GMCL1: variants seen among roughly 807,000 people sequenced by gnomAD.
GMCL1 encodes germ cell-less 1, spermatogenesis associated.
Under a neutral mutation model 75.5 loss-of-function variants are expected in GMCL1, and 54 were observed. The ratio of observed to expected loss-of-function variants is 0.71; its 90% CI spans 0.57 to 0.90. GMCL1 has a LOEUF of 0.90. Among genes scored for constraint, GMCL1 ranks in the 40% least tolerant of loss-of-function variants. The pLI is 0.00. For missense variants in GMCL1, 537 were observed against 622.7 expected (o/e 0.86, Z 1.47); for synonymous variants, 210 against 209.6 (o/e 1.00, Z -0.02).
intron 9 of GMCL1, among the ~76,000 whole-genome samples, chr2:69,859,655 G>A (rs1354090298): frequency 6.7e-6 from 1 of 149,062 alleles, no homozygotes; most frequent in African/African-American, 2.5e-5. Flanking sequence ...AACTGCTTGA[G>A]CCCAGGAGTT....
At chr2:69,845,230 G>A (rs2103970800) in intron 6 of GMCL1, among the ~76,000 whole-genome samples, 1 of 152,342 alleles carries the variant, frequency 6.6e-6, no homozygotes, top group South Asian at 2.1e-4. Flanking sequence ...AGCGGGACCT[G>A]GTCAGACGCA....
Position 69,859,742 on chromosome 2 carries a change from TA to T in GMCL1, c.1073-1520del, listed in dbSNP as rs1207817401. 2.1e-3 allele frequency among the ~76,000 whole-genome samples: 169 copies of T among 79,078 alleles called. 2 individuals carry two copies. The highest frequency in any genetic ancestry group is 7.8e-3 in the South Asian group (17 of 2,188). 51.9% of individuals were successfully genotyped at this position (79,078 alleles called of 152,430 possible). On this transcript the variant is annotated intron_variant, in intron 9 of 13. Transcript: ENST00000282570. ...GAGTGAGACCGTGTCTCTCTCTCTC[TA>T]AAAAAAAAAAAAAAAGTATATATGG...
chr2:69,875,475 T>C (rs1676104980), intron 13 of GMCL1, among the ~76,000 whole-genome samples: 1 of 152,190 alleles, frequency 6.6e-6, no homozygotes, highest in Non-Finnish European at 1.5e-5. Flanking sequence ...GTATGGGATG[T>C]AGGATCATTT....
chr2:69,837,212 A>G (rs887494439), intron 1 of GMCL1, among the ~76,000 whole-genome samples: 1 of 152,368 alleles, frequency 6.6e-6, no homozygotes, highest in South Asian at 2.1e-4. Context: ...AAAAATCAAC[A>G]TGCTAACTTC....
intron 7 of GMCL1, among the ~76,000 whole-genome samples, chr2:69,848,189 G>A (rs1052981622): frequency 1.1e-4 from 16 of 152,218 alleles, no homozygotes; most frequent in African/African-American, 3.6e-4. Flanking sequence ...GGTCTTGGGA[G>A]TCCTAGTCCA....
rs183308985 is a variant in GMCL1, at chr2:69,865,084, T to C, written c.1218+109T>C. On this transcript the variant is annotated intron_variant, in intron 11 of 13. Transcript: ENST00000282570. ...CCTGTCATACCTCAGAAGAGCTTGT[T>C]TGATACACTTTCTGTAGCATGATCT... 9.0e-5 allele frequency: 66 copies of C among 736,932 alleles called. No individual in the cohort carries two copies. In the African/African-American group the frequency reaches 1.1e-3, roughly 12 times the overall value. The allele number at this position is 736,932 out of a possible 1,614,324, so 45.6% of individuals were successfully genotyped here. A position where few individuals can be genotyped will look rare whatever the true frequency, so the allele number is the denominator to read the frequency against.
Position 69,845,237 on chromosome 2 carries a change from C to T in GMCL1, c.758+1041C>T, listed in dbSNP as rs926557409. ...CGTCCTCAAGCGGGACCTGGTCAGACGCAGCACAGCGCAGAGCCAGAGGTC... is the reference window on the plus strand; with the variant it reads ...CGTCCTCAAGCGGGACCTGGTCAGATGCAGCACAGCGCAGAGCCAGAGGTC... On this transcript the variant is annotated intron_variant, in intron 6 of 13. Coordinates refer to ENST00000282570, the MANE Select transcript of GMCL1 (RefSeq NM_178439.5). Among the ~76,000 whole-genome samples the T allele has an allele frequency of 5.3e-5, 8 of 152,366 alleles. No homozygotes were observed. In the South Asian group the frequency reaches 8.3e-4, roughly 16 times the overall value.
At chr2:69,857,999 C>A (rs1675527945) in intron 9 of GMCL1, among the ~76,000 whole-genome samples, 1 of 152,086 alleles carries the variant, frequency 6.6e-6, no homozygotes, top group Admixed American at 6.5e-5. Context: ...TTCCCATATT[C>A]TTTGTGTAAA....
chr2:69,837,907 C>T (rs2103950716), intron 2 of GMCL1, among the ~76,000 whole-genome samples: 1 of 152,254 alleles, frequency 6.6e-6, no homozygotes, highest in South Asian at 2.1e-4. Flanking sequence ...GTCATTACTT[C>T]ATAAAATGCT....
chr2:69,844,836 T>C, intron 6 of GMCL1: 1 of 379,424 alleles, frequency 2.6e-6, no homozygotes, highest in Non-Finnish European at 5.6e-6. Context: ...CACCGTCACC[T>C]CCTGGTACAA....
intron 10 of GMCL1, 127 bp from the exon 11 acceptor site, chr2:69,864,767 CTTATTT>C: frequency 1.7e-6 from 1 of 603,286 alleles, no homozygotes; most frequent in Non-Finnish European, 2.9e-6. Context: ...TCAACACTTT[CTTATTT>C]TTATCTGTAC....
chr2:69,857,088 T>C (rs1032796153), intron 9 of GMCL1, among the ~76,000 whole-genome samples: 1 of 152,206 alleles, frequency 6.6e-6, no homozygotes, highest in Admixed American at 6.5e-5. Context: ...TTTCAGGCTA[T>C]TATATAGCCT....
chr2:69,866,715 T>A (rs1675828205), intron 11 of GMCL1, among the ~76,000 whole-genome samples: 1 of 152,168 alleles, frequency 6.6e-6, no homozygotes, highest in Non-Finnish European at 1.5e-5. Context: ...TCTTCCTGCC[T>A]TAGCCTCCCA....
At chr2:69,871,920 G>A (rs1675993844) in intron 13 of GMCL1, 88 bp downstream of exon 13, 5 of 847,060 alleles carry the variant, frequency 5.9e-6, no homozygotes, top group African/African-American at 1.8e-5. Context: ...TAACATTAAA[G>A]TGATGGCATT....
In GMCL1 at chr2:69,833,087, C is replaced by G. The variant is rs145883577; in HGVS notation, c.260+2935C>G. 5.4e-4 allele frequency among the ~76,000 whole-genome samples: 82 copies of G among 152,274 alleles called. No individual in the cohort carries two copies. In the East Asian group the frequency reaches 0.015, roughly 28 times the overall value. Reference sequence around the variant, plus strand: ...CTGAGGCTGGCAAGTAGGACACTGCCTACTAGGATGCCAACAAAATTATTT... The same window carrying G: ...CTGAGGCTGGCAAGTAGGACACTGCGTACTAGGATGCCAACAAAATTATTT... On this transcript the variant is annotated intron_variant, in intron 1 of 13. Coordinates refer to ENST00000282570, the MANE Select transcript of GMCL1 (RefSeq NM_178439.5).
chr2:69,868,674 A>G (rs2104040237), intron 11 of GMCL1, among the ~76,000 whole-genome samples: 1 of 149,256 alleles, frequency 6.7e-6, no homozygotes, highest in East Asian at 2.1e-4. Flanking sequence ...CGGCCTCCCA[A>G]AGTGCTGGGA....
chr2:69,847,387 A>G lies in GMCL1; in HGVS notation c.759-156A>G, dbSNP rs528291497. Among the ~76,000 whole-genome samples the G allele has an allele frequency of 4.6e-5, 7 of 152,250 alleles. No homozygotes were observed. The East Asian group carries it at 9.6e-4, about 21-fold the overall frequency. On this transcript the variant is annotated intron_variant, in intron 6 of 13. Coordinates refer to ENST00000282570, the MANE Select transcript of GMCL1 (RefSeq NM_178439.5). ...TAAAAGTATCCTTGTATCCAGATAG[A>G]TTGTTTTCTAAGATTCTTTGTCTTG...
chr2:69,859,144 C>CA (rs571712437), intron 9 of GMCL1, among the ~76,000 whole-genome samples: 6,221 of 60,454 alleles, frequency 0.1, 530 homozygotes, highest in Admixed American at 0.24. Flanking sequence ...GACTCTGTCT[C>CA]AAAAAAAAAA....
At chr2:69,861,516 T>G (rs1675647201) in intron 10 of GMCL1, among the ~76,000 whole-genome samples, 169 bp downstream of exon 10, 3 of 152,218 alleles carry the variant, frequency 2.0e-5, no homozygotes, top group Admixed American at 2.0e-4. Flanking sequence ...GTCTTATAAA[T>G]GTCTTTCTGG....
Sources: allele counts gnomAD v4.1 joint callset (sites outside exome capture counted in the v4.1 genomes callset), GRCh38; gene constraint gnomAD v4.1.1; transcripts MANE v1.5; gene names NCBI Gene and HGNC (gene_info 2026-07-23, HGNC 2026-07-21).